NDRG4: variants seen among roughly 807,000 people sequenced by gnomAD.
NDRG4 encodes the protein protein NDRG4.
In NDRG4, 38 loss-of-function variants were observed where a neutral mutation model predicts 55.8. The observed-to-expected ratio is 0.68, with a 90% CI of 0.53 to 0.89. The LOEUF (loss-of-function observed/expected upper bound fraction) is 0.89. Among genes scored for constraint, NDRG4 ranks in the 40% least tolerant of loss-of-function variants. The probability of loss-of-function intolerance (pLI) is 0.00; values close to 1 mark genes in which losing one functional copy is unlikely to be tolerated. For synonymous variants in NDRG4, 190 were observed against 182.7 expected (o/e 1.04, Z -0.32); for missense variants, 455 against 468.6 (o/e 0.97, Z 0.27).
At chr16:58,495,186 C>T (rs1043020152), upstream of NDRG4, among the ~76,000 whole-genome samples, 15 of 152,124 alleles carry the variant, frequency 9.9e-5, no homozygotes, top group African/African-American at 3.6e-4. Context: ...AGAGACGGGG[C>T]CTCTAGGGGG....
Position 58,467,805 on chromosome 16 carries a change from G to A in NDRG4, c.-24+4008G>A, listed in dbSNP as rs577237427. Among the ~76,000 whole-genome samples the A allele has an allele frequency of 9.2e-5, 14 of 152,310 alleles. No homozygotes were observed. The South Asian group carries it at 2.5e-3, about 27-fold the overall frequency. Reference sequence around the variant, plus strand: ...TTAGGTGTGTGAGCGTGTGCAAGACGTCGAGTGCAGCTTCTGGCGGGCGGA... The same window carrying A: ...TTAGGTGTGTGAGCGTGTGCAAGACATCGAGTGCAGCTTCTGGCGGGCGGA... On this transcript the variant is annotated intron_variant, in intron 1 of 15. Coordinates refer to the NDRG4 transcript ENST00000258187.
chr16:58,486,055 T>C (rs1409110425), intron 1 of NDRG4, among the ~76,000 whole-genome samples: 1 of 152,220 alleles, frequency 6.6e-6, no homozygotes, highest in African/African-American at 2.4e-5. Context: ...CAGAAAGATA[T>C]GTCCATTTAT....
chr16:58,474,709 C>T (rs1452359396), intron 1 of NDRG4, among the ~76,000 whole-genome samples: 2 of 152,186 alleles, frequency 1.3e-5, no homozygotes, highest in Admixed American at 1.3e-4. Flanking sequence ...TCCTAGAACA[C>T]AGTAGGTGCC....
chr16:58,495,097 C>A, intron 3 of NDRG4: 1 of 1,317,050 alleles, frequency 7.6e-7, no homozygotes, highest in Non-Finnish European at 1.1e-6. Flanking sequence ...AGGGTCACAG[C>A]CCTTCTGTGT....
rs889308367 is a variant in NDRG4, at chr16:58,512,169, T to G, written c.*593T>G. 4.4e-6 allele frequency: 2 copies of G among 452,146 alleles called. No homozygotes were observed. Among genetic ancestry groups the G allele is most frequent in the African/African-American group, 4.0e-5 (2 of 50,006 alleles). The allele number at this position is 452,146 out of a possible 1,614,324, so 28.0% of individuals were successfully genotyped here. ...CACGCAGGCAGGGGCGTCAAGGGGT[T>G]TCTCTGCCCAAGGAAGACAGAACAT... On this transcript the variant is annotated 3_prime_UTR_variant, in exon 15 of 15. Coordinates refer to ENST00000570248, the MANE Select transcript of NDRG4 (RefSeq NM_001242835.2).
In NDRG4 at chr16:58,509,301, C is replaced by A; in HGVS notation, c.814C>A (p.Pro272Thr). Residue 272 changes from proline to threonine, a missense_variant and splice_region_variant, in exon 13 of 15, where the codon CCA becomes ACA. Transcript: ENST00000570248. ...CATGTGCTTGTCCTGCCCTCCGCAG[C>A]CAGGGAAGCTGACTGAAGCCTTCAA... ...DSGGLPQVTQPGKLTEAFKYF... is the reference protein window; with the variant it reads ...DSGGLPQVTQTGKLTEAFKYF... 6.2e-7 allele frequency: 1 copy of A among 1,614,080 alleles called. No individual in the cohort carries two copies. The highest frequency in any genetic ancestry group is 8.5e-7 in the Non-Finnish European group (1 of 1,179,998).
chr16:58,481,604 G>A (rs1220174243), intron 1 of NDRG4, among the ~76,000 whole-genome samples: 2 of 152,146 alleles, frequency 1.3e-5, no homozygotes, highest in African/African-American at 4.8e-5. Context: ...AGCCTGGGCT[G>A]GAGAAATAAT....
intron 5 of NDRG4, among the ~76,000 whole-genome samples, chr16:58,505,160 T>G (rs550766600): frequency 6.6e-6 from 1 of 152,028 alleles, no homozygotes; most frequent in Admixed American, 6.6e-5. Flanking sequence ...CCATCCTGGC[T>G]AACACGGTGA....
chr16:58,507,693 T>A, intron 8 of NDRG4, 115 bp from the exon 9 acceptor site: 1 of 967,592 alleles, frequency 1.0e-6, no homozygotes, highest in Non-Finnish European at 1.6e-6. Flanking sequence ...AGTTCATTTA[T>A]GCAGAGCAGG....
At chr16:58,466,420 G>C (rs558164545) in intron 1 of NDRG4, among the ~76,000 whole-genome samples, 13 of 152,350 alleles carry the variant, frequency 8.5e-5, no homozygotes, top group Non-Finnish European at 1.6e-4. Context: ...ATGCTCACAG[G>C]AGACATGTGT....
In NDRG4 at chr16:58,508,994, T is replaced by G. The variant is rs1597342533; in HGVS notation, c.762T>G (p.Thr254=). 2 of 1,614,112 alleles carry G rather than the reference T, an allele frequency of 1.2e-6. No homozygotes were observed. Among genetic ancestry groups the G allele is most frequent in the Non-Finnish European group, 1.7e-6 (2 of 1,180,010 alleles). ...GCAACTCCAAACTGGACCCGACCACTACGACCTTCCTGAAGGTGAGGCTTT... is the reference window on the plus strand; with the variant it reads ...GCAACTCCAAACTGGACCCGACCACGACGACCTTCCTGAAGGTGAGGCTTT... The part of the protein sequence containing the change: ...VECNSKLDPT[T]TTFLKMADSG... Residue 254 remains threonine (T), a synonymous_variant, in exon 11 of 15, where the codon ACT becomes ACG. Coordinates refer to ENST00000570248, the MANE Select transcript of NDRG4 (RefSeq NM_001242835.2).
intron 2 of NDRG4, among the ~76,000 whole-genome samples, chr16:58,489,138 A>G (rs7198968): frequency 0.034 from 5,204 of 152,074 alleles, 311 homozygotes; most frequent in African/African-American, 0.12. Context: ...GTCTCTACTA[A>G]AAATACAAAA....
chr16:58,466,743 A>G (rs1290400645), intron 1 of NDRG4, among the ~76,000 whole-genome samples: 1 of 152,136 alleles, frequency 6.6e-6, no homozygotes, highest in Non-Finnish European at 1.5e-5. Flanking sequence ...CTCCAACCCC[A>G]TCAGTAGCCA....
intron 2 of NDRG4, among the ~76,000 whole-genome samples, chr16:58,494,320 T>C (rs1241684662): frequency 6.6e-6 from 1 of 151,976 alleles, no homozygotes; most frequent in East Asian, 1.9e-4. Flanking sequence ...TTGGAAAAGG[T>C]CCCTCTTTCC....
intron 7 of NDRG4, 136 bp downstream of exon 7, chr16:58,506,750 TCCCCTCCCAAGG>T (rs2038084924): frequency 5.7e-6 from 7 of 1,221,994 alleles, no homozygotes; most frequent in Non-Finnish European, 8.2e-6. Flanking sequence ...AAGACAGACA[TCCCCTCCCAAGG>T]CCCCACACCT....
rs75245267 is a variant in NDRG4, at chr16:58,511,783, G to A, written c.*207G>A. The A allele has an allele frequency of 6.2e-5, 42 of 680,452 alleles. No individual in the cohort carries two copies. The highest frequency in any genetic ancestry group is 1.1e-4 in the African/African-American group (6 of 56,464). 42.2% of individuals were successfully genotyped at this position (680,452 alleles called of 1,614,324 possible). On this transcript the variant is annotated 3_prime_UTR_variant, in exon 15 of 15. Transcript: ENST00000570248. The stretch of plus-strand genomic sequence containing the variant: ...TCCTCCTCATCCCATCTCACTCTCC[G>A]TGGTAACTTAGCCAACTTGACCCCT...
chr16:58,514,717 G>A (rs2151871513), downstream of NDRG4, among the ~76,000 whole-genome samples: 1 of 140,780 alleles, frequency 7.1e-6, no homozygotes, highest in African/African-American at 2.7e-5. Flanking sequence ...ACTCCAGCCT[G>A]GGCGAGACTC....
intron 2 of NDRG4, among the ~76,000 whole-genome samples, chr16:58,489,828 T>TTTCC (rs2035561939): frequency 6.6e-6 from 1 of 151,966 alleles, no homozygotes. Flanking sequence ...CTTTCTGTCT[T>TTTCC]TTCCTTCTTT....
intron 1 of NDRG4, among the ~76,000 whole-genome samples, chr16:58,479,798 C>T (rs2034174408): frequency 6.6e-6 from 1 of 152,232 alleles, no homozygotes; most frequent in South Asian, 2.1e-4. Context: ...GAGCAATGGT[C>T]TGAGCAGGTC....
Sources: allele counts gnomAD v4.1 joint callset (sites outside exome capture counted in the v4.1 genomes callset), GRCh38; gene constraint gnomAD v4.1.1; transcripts MANE v1.5; gene names NCBI Gene and HGNC (gene_info 2026-07-23, HGNC 2026-07-21).